ABCD3: variants seen among roughly 807,000 people sequenced by gnomAD.
ABCD3 encodes the protein ATP-binding cassette sub-family D member 3.
Under a neutral mutation model 105.5 loss-of-function variants are expected in ABCD3, and 41 were observed. The observed-to-expected ratio is 0.39, with a 90% CI of 0.30 to 0.50. The LOEUF (loss-of-function observed/expected upper bound fraction) is 0.50. Ranked by LOEUF, ABCD3 falls within the 20% of genes least tolerant of loss-of-function variation. The pLI, the probability that ABCD3 is intolerant of heterozygous loss-of-function variation, is 0.84. For missense variants in ABCD3, 622 were observed against 806.3 expected (o/e 0.77, Z 2.77); for synonymous variants, 258 against 269.0 (o/e 0.96, Z 0.40).
At position 94,500,307 on chromosome 1, in the gene ABCD3, G is replaced by A. The variant is rs749067001; in HGVS notation, c.1740+693G>A. 2.1e-3 allele frequency among the ~76,000 whole-genome samples: 325 copies of A among 152,162 alleles called. 11 individuals are homozygous for A. Among genetic ancestry groups the A allele is most frequent in the Admixed American group, 1.9e-3 (29 of 15,280 alleles). ...AAAAAAATTTAAAAATTATCTGGGC[G>A]TAGTGGCACACACCTATAGTCCTAG... is the stretch of plus-strand genomic sequence containing the variant. On this transcript the variant is annotated intron_variant, in intron 20 of 22. Transcript: ENST00000370214.
At chr1:94,511,664 C>T (rs971436534) in intron 21 of ABCD3, among the ~76,000 whole-genome samples, 1 of 152,092 alleles carries the variant, frequency 6.6e-6, no homozygotes, top group Non-Finnish European at 1.5e-5. Flanking sequence ...CACATAGTCC[C>T]ATATTTCTTG....
chr1:94,429,807 T>G (rs1659604202), intron 1 of ABCD3, among the ~76,000 whole-genome samples: 2 of 152,184 alleles, frequency 1.3e-5, no homozygotes, highest in African/African-American at 4.8e-5. Context: ...AAAGGAAATG[T>G]GAGGTTGGAG....
chr1:94,403,859 C>A, the ABCD3 span, among the ~76,000 whole-genome samples: 1 of 152,066 alleles, frequency 6.6e-6, no homozygotes, highest in Non-Finnish European at 1.5e-5. Flanking sequence ...TTTGAGGAGC[C>A]CTTGTTCCTT....
intron 3 of ABCD3, among the ~76,000 whole-genome samples, chr1:94,465,109 G>T (rs554410268): frequency 6.6e-6 from 1 of 152,230 alleles, no homozygotes; most frequent in Non-Finnish European, 1.5e-5. Flanking sequence ...AAAGGGCCAA[G>T]GAGGTGCCAC....
At chr1:94,485,595 A>C (rs1200368347) in intron 10 of ABCD3, among the ~76,000 whole-genome samples, 1 of 152,102 alleles carries the variant, frequency 6.6e-6, no homozygotes, top group African/African-American at 2.4e-5. Flanking sequence ...AAATGTTAAC[A>C]CCTTATTGAA....
At chr1:94,511,430 T>A (rs950053844) in intron 21 of ABCD3, among the ~76,000 whole-genome samples, 15 of 152,160 alleles carry the variant, frequency 9.9e-5, no homozygotes, top group Admixed American at 5.9e-4. Flanking sequence ...TAATATTTTT[T>A]CCTTCATTTC....
At chr1:94,499,258 T>C (rs535644518) in intron 19 of ABCD3, among the ~76,000 whole-genome samples, 2 of 152,316 alleles carry the variant, frequency 1.3e-5, no homozygotes, top group African/African-American at 4.8e-5. Flanking sequence ...CATCATCCTT[T>C]TACTGTGTAC....
chr1:94,511,953 C>T (rs1176226596), intron 21 of ABCD3, among the ~76,000 whole-genome samples: 3 of 152,114 alleles, frequency 2.0e-5, no homozygotes, highest in East Asian at 1.9e-4. Context: ...TCCCGTAGCT[C>T]GGAGTAATTT....
chr1:94,489,878 C>T (rs1019963617), intron 14 of ABCD3, 25 bp from the exon 15 acceptor site: 14 of 1,611,492 alleles, frequency 8.7e-6, no homozygotes, highest in South Asian at 2.2e-5. Flanking sequence ...TAATATGATG[C>T]TTTAATACCT....
At chr1:94,387,899 G>T in the ABCD3 span, among the ~76,000 whole-genome samples, 1 of 151,976 alleles carries the variant, frequency 6.6e-6, no homozygotes, top group African/African-American at 2.4e-5. Flanking sequence ...ATCTCTTTCT[G>T]CTTGAAATAC....
intron 1 of ABCD3, among the ~76,000 whole-genome samples, chr1:94,458,389 A>G (rs1557671305): frequency 1.3e-5 from 2 of 152,256 alleles, no homozygotes; most frequent in Non-Finnish European, 2.9e-5. Context: ...AATGTCTGTT[A>G]CATAATAGTG....
At chr1:94,496,719 T>G (rs1282021044) in intron 16 of ABCD3, among the ~76,000 whole-genome samples, 1 of 138,774 alleles carries the variant, frequency 7.2e-6, no homozygotes, top group Non-Finnish European at 1.5e-5. Flanking sequence ...TTTTTTTTTT[T>G]TTTTGAATAG....
chr1:94,396,623 G>A, the ABCD3 span, among the ~76,000 whole-genome samples: 5 of 151,982 alleles, frequency 3.3e-5, no homozygotes, highest in South Asian at 4.2e-4. Flanking sequence ...GCGCGCGCAC[G>A]TGCGTGTGTG....
At chr1:94,451,087 A>G (rs1647225069) in intron 1 of ABCD3, among the ~76,000 whole-genome samples, 1 of 152,124 alleles carries the variant, frequency 6.6e-6, no homozygotes, top group Non-Finnish European at 1.5e-5. Flanking sequence ...TGGTTTTCTC[A>G]GATCAATGTT....
At chr1:94,500,329 C>T (rs757069468) in intron 20 of ABCD3, among the ~76,000 whole-genome samples, 38 of 152,004 alleles carry the variant, frequency 2.5e-4, no homozygotes, top group Non-Finnish European at 2.9e-4. Context: ...ACCTATAGTC[C>T]TAGCTACTGG....
chr1:94,403,859 C>T, the ABCD3 span, among the ~76,000 whole-genome samples: 1 of 152,066 alleles, frequency 6.6e-6, no homozygotes, highest in Non-Finnish European at 1.5e-5. Flanking sequence ...TTTGAGGAGC[C>T]CTTGTTCCTT....
chr1:94,475,083 TTATAG>T, intron 5 of ABCD3, 55 bp from the exon 6 acceptor site: 1 of 1,060,624 alleles, frequency 9.4e-7, no homozygotes, highest in South Asian at 1.4e-5. Context: ...GAGAAATAAA[TTATAG>T]TTTAGTAAGC....
chr1:94,501,593 A>G (rs982076424), intron 20 of ABCD3, among the ~76,000 whole-genome samples: 1 of 152,228 alleles, frequency 6.6e-6, no homozygotes, highest in Non-Finnish European at 1.5e-5. Flanking sequence ...TAGGAAGAAC[A>G]GACCTAAAAG....
intron 4 of ABCD3, among the ~76,000 whole-genome samples, chr1:94,472,473 G>C (rs1478387298): frequency 7.1e-6 from 1 of 140,514 alleles, no homozygotes; most frequent in Non-Finnish European, 1.6e-5. Flanking sequence ...TTTTTTAACT[G>C]TTTTACTTTT....
Sources: gnomAD v4.1 joint callset for allele counts (sites outside exome capture counted in the v4.1 genomes callset) on GRCh38, gnomAD v4.1.1 for gene constraint, MANE v1.5 for transcripts, NCBI Gene and HGNC (gene_info 2026-07-23, HGNC 2026-07-21) for gene names.